The following SEC16B variants were observed in gnomAD, a reference collection of about 807,000 sequenced individuals.
SEC16B encodes the protein SEC16 homolog B, endoplasmic reticulum export factor, also known as protein transport protein Sec16B.
SEC16B carries 115 observed loss-of-function variants against 141.8 expected under a neutral mutation model. The ratio of observed to expected loss-of-function variants is 0.81; its 90% CI spans 0.70 to 0.95. The LOEUF (loss-of-function observed/expected upper bound fraction) is 0.95, where lower values mean the gene tolerates loss of function less well. Among genes scored for constraint, SEC16B ranks in the 40% least tolerant of loss-of-function variants. The probability of loss-of-function intolerance (pLI) is 0.00; values close to 1 mark genes in which losing one functional copy is unlikely to be tolerated. For synonymous variants in SEC16B, 493 were observed against 492.5 expected (o/e 1.00, Z -0.01); for missense variants, 1,291 against 1,312.3 (o/e 0.98, Z 0.25).
Position 177,968,008 on chromosome 1 carries a change from T to C in SEC16B, c.-27A>G. Reference sequence around the variant, plus strand: ...CTTGACTCTCTGAATTTGTCCTGGGTTTTGAGTAAGTTGTGCAGTTATTTT... The same window carrying C: ...CTTGACTCTCTGAATTTGTCCTGGGCTTTGAGTAAGTTGTGCAGTTATTTT... On this transcript the variant is annotated 5_prime_UTR_variant, in exon 2 of 26. Transcript: ENST00000308284. The C allele has an allele frequency of 6.4e-7, 1 of 1,571,084 alleles. No individual in the cohort carries two copies. The highest frequency in any genetic ancestry group is 8.7e-7 in the Non-Finnish European group (1 of 1,154,536).
At chr1:177,982,964 CA>C (rs1358010751) in intron 1 of SEC16B, among the ~76,000 whole-genome samples, 10 of 152,104 alleles carry the variant, frequency 6.6e-5, no homozygotes, top group Non-Finnish European at 1.5e-5. Flanking sequence ...GCAACCTTTC[CA>C]CCTATCAACA....
chr1:177,944,617 T>C lies in SEC16B; in HGVS notation c.1825A>G (p.Ile609Val), dbSNP rs755626494. 3.7e-6 allele frequency: 6 copies of C among 1,613,706 alleles called. No individual in the cohort carries two copies. In the East Asian group the frequency reaches 1.3e-4, roughly 36 times the overall value. ...CCCAGCATCTGACAGTACTCGAAGATTTCCGTCCTCTGGATTGCCTCAGTT... is the reference window on the plus strand; with the variant it reads ...CCCAGCATCTGACAGTACTCGAAGACTTCCGTCCTCTGGATTGCCTCAGTT... ...ATTEAIQRTEIFEYCQMLGRP... is the reference protein window; with the variant it reads ...ATTEAIQRTEVFEYCQMLGRP... The change falls in exon 15 of 26, where the codon ATC (isoleucine) becomes GTC (valine). Residue 609 changes from isoleucine to valine, a missense_variant. Physicochemically the swap from Ile to Val is conservative, Grantham distance 29. Transcript: ENST00000308284.
chr1:177,948,108 A>C (rs1229481683), intron 12 of SEC16B, among the ~76,000 whole-genome samples, 166 bp from the exon 13 acceptor site: 1 of 152,228 alleles, frequency 6.6e-6, no homozygotes, highest in East Asian at 1.9e-4. Context: ...TTAAAAAAGT[A>C]AAACTGTCAG....
At chr1:177,962,431 A>T (rs1364329632) in intron 5 of SEC16B, among the ~76,000 whole-genome samples, 1 of 150,586 alleles carries the variant, frequency 6.6e-6, no homozygotes, top group African/African-American at 2.4e-5. Flanking sequence ...TTCCCCTTGG[A>T]TGCAGGTGTA....
chr1:177,967,218 C>T (rs974791609), intron 2 of SEC16B, among the ~76,000 whole-genome samples: 6 of 152,144 alleles, frequency 3.9e-5, no homozygotes, highest in African/African-American at 1.2e-4. Context: ...CGGGTACTGT[C>T]GTAGGCACTA....
chr1:177,946,416 A>T lies in SEC16B; in HGVS notation c.1775+4T>A, dbSNP rs764400778. 2 of 1,557,298 alleles carry T rather than the reference A, an allele frequency of 1.3e-6. No individual in the cohort carries two copies. Among genetic ancestry groups the T allele is most frequent in the East Asian group, 4.8e-5 (2 of 41,580 alleles). The stretch of plus-strand genomic sequence containing the variant: ...TACTGTTTCCTTTCTCCCAGGTCGC[A>T]TACCTGTGGCTGCTGCCCAGCAAGA... On this transcript the variant is annotated splice_donor_region_variant and intron_variant, in intron 14 of 25. Transcript: ENST00000308284.
chr1:177,960,619 C>T, intron 7 of SEC16B, 172 bp downstream of exon 7: 1 of 727,974 alleles, frequency 1.4e-6, no homozygotes, highest in Non-Finnish European at 2.3e-6. Flanking sequence ...CAGAGAAGAG[C>T]CCCACCCATT....
upstream of SEC16B, chr1:177,973,384 T>C (rs572027589): frequency 6.6e-6 from 1 of 152,342 alleles, no homozygotes; most frequent in East Asian, 1.9e-4. Context: ...CACCAGGTAA[T>C]GGAATGGTGG....
chr1:177,938,314 G>A (rs529009689), intron 18 of SEC16B, among the ~76,000 whole-genome samples: 2 of 104,838 alleles, frequency 1.9e-5, no homozygotes, highest in African/African-American at 3.6e-5. Context: ...ATCTTTTGAC[G>A]CATAGGGCCT....
At chr1:177,943,272 G>A (rs1651418789) in intron 15 of SEC16B, among the ~76,000 whole-genome samples, 1 of 152,180 alleles carries the variant, frequency 6.6e-6, no homozygotes, top group Non-Finnish European at 1.5e-5. Flanking sequence ...TGAGTCTTTG[G>A]CAAAGCCCTT....
chr1:177,972,352 G>C (rs1485740505), upstream of SEC16B, among the ~76,000 whole-genome samples: 1 of 152,082 alleles, frequency 6.6e-6, no homozygotes, highest in Admixed American at 6.5e-5. Context: ...CAATTACTAA[G>C]TCTTTCGACC....
At chr1:177,975,363 A>G (rs561679683) in intron 1 of SEC16B, among the ~76,000 whole-genome samples, 25 of 152,336 alleles carry the variant, frequency 1.6e-4, no homozygotes, top group Non-Finnish European at 3.2e-4. Flanking sequence ...CTTATACTGT[A>G]TGACTGTACC....
rs200248771 is a variant in SEC16B at position 177,937,486 on chromosome 1, C to G, written c.2231G>C (p.Gly744Ala). The G allele has an allele frequency of 2.7e-4, 415 of 1,565,232 alleles. 2 individuals are homozygous for G. In the South Asian group the frequency reaches 3.2e-3, roughly 12 times the overall value. The change falls in exon 19 of 26, where the codon GGA becomes GCA. Residue 744 changes from glycine to alanine, a missense_variant. This residue lies in a region of SEC16B where 605 missense variants were observed against 614.1 expected (regional missense o/e 0.99). Transcript: ENST00000308284. ...AGGGGCTTCAGAGTAGCCTTGACAT[C>G]CAGAAAAGTCCTGGTAGAAAGTGTT... Reference protein sequence around the residue: ...TENTFYQDFSGCQGYSEAPGY... With the variant: ...TENTFYQDFSACQGYSEAPGY...
At chr1:177,941,541 A>C (rs1651276424) in intron 16 of SEC16B, among the ~76,000 whole-genome samples, 1 of 152,220 alleles carries the variant, frequency 6.6e-6, no homozygotes, top group South Asian at 2.1e-4. Flanking sequence ...AGGATCATTT[A>C]CTCTTTTAAT....
chr1:177,974,680 G>A (rs1212710299), upstream of SEC16B, among the ~76,000 whole-genome samples: 5 of 152,166 alleles, frequency 3.3e-5, no homozygotes, highest in East Asian at 9.6e-4. Flanking sequence ...TACAGCATAT[G>A]GAAATTACGG....
At position 177,937,232 on chromosome 1, in the gene SEC16B, G is replaced by C. The variant is rs779486785; in HGVS notation, c.2485C>G (p.Gln829Glu). 5.0e-6 allele frequency: 8 copies of C among 1,612,908 alleles called. No individual in the cohort carries two copies. Among genetic ancestry groups the C allele is most frequent in the Non-Finnish European group, 6.8e-6 (8 of 1,179,472 alleles). The part of the protein sequence containing the change: ...TGGTVWEEML[Q>E]THLGPGENTV... ...GTCTTACCAGGGCCCAGGTGTGTCT[G>C]CAGCATTTCCTCCCAGACTGTTCCT... Residue 829 changes from glutamine to glutamate, a missense_variant, in exon 19 of 26, where the codon CAG becomes GAG. This residue lies in a region of SEC16B where 605 missense variants were observed against 614.1 expected (regional missense o/e 0.99). Coordinates refer to ENST00000308284, the MANE Select transcript of SEC16B (RefSeq NM_033127.4).
intron 18 of SEC16B, 151 bp downstream of exon 18, chr1:177,939,551 G>A (rs1340196505): frequency 1.2e-5 from 8 of 665,442 alleles, no homozygotes; most frequent in Non-Finnish European, 2.1e-5. Context: ...GGAGCTGGGT[G>A]GAGAAGGCGC....
chr1:177,964,686 A>G (rs188143055), intron 4 of SEC16B, among the ~76,000 whole-genome samples: 156 of 152,320 alleles, frequency 1.0e-3, no homozygotes, highest in African/African-American at 3.6e-3. Flanking sequence ...AGGCTGAGGA[A>G]AAGCACCACA....
rs1308084253 is a variant in SEC16B, at chr1:177,960,376, C to G, written c.964G>C (p.Glu322Gln). 6.2e-7 allele frequency: 1 copy of G among 1,605,684 alleles called. No homozygotes were observed. Among genetic ancestry groups the G allele is most frequent in the Admixed American group, 1.7e-5 (1 of 59,420 alleles). Residue 322 changes from glutamate to glutamine, a missense_variant, in exon 8 of 26, where the codon GAG (glutamate) becomes CAG (glutamine). This residue lies in a region of SEC16B where 681 missense variants were observed against 675.5 expected (regional missense o/e 1.01). Transcript: ENST00000308284. ...GGTCCTGAGAAACTTCTCATCTCCT[C>G]TTGCTCTTCGGAATCATTAAGAATA... The part of the protein sequence containing the change: ...EVILNDSEEQ[E>Q]EMRSFSGPLI...
Sources: gnomAD v4.1 joint callset for allele counts (sites outside exome capture counted in the v4.1 genomes callset) on GRCh38, gnomAD v4.1.1 for gene constraint, gnomAD v4.1.1 regional missense constraint, MANE v1.5 for transcripts, NCBI Gene and HGNC (gene_info 2026-07-23, HGNC 2026-07-21) for gene names.